Variants in NR3C1 observed in about 807,000 individuals in gnomAD.
The protein encoded by NR3C1 is glucocorticoid receptor.
NR3C1 carries 14 observed loss-of-function variants against 74.0 expected under a neutral mutation model. That is an observed-to-expected ratio of 0.19 (90% confidence interval 0.12 to 0.30). The LOEUF (loss-of-function observed/expected upper bound fraction) is 0.30. Ranked by LOEUF, NR3C1 falls within the 10% of genes least tolerant of loss-of-function variation. NR3C1 has a pLI of 1.00. For synonymous variants in NR3C1, 308 were observed against 332.5 expected, an observed-to-expected ratio of 0.93 and a Z score of 0.80; for missense variants, 695 against 909.8, an observed-to-expected ratio of 0.76 and a Z score of 3.04.
chr5:143,294,378 C>T (rs1816660214), intron 7 of NR3C1: 1 of 788,074 alleles, frequency 1.3e-6, no homozygotes, highest in Non-Finnish European at 1.5e-6. Flanking sequence ...TTTATAATAC[C>T]AACTAGTTCA....
At chr5:143,361,337 T>C (rs1046285400) in intron 2 of NR3C1, among the ~76,000 whole-genome samples, 2 of 152,220 alleles carry the variant, frequency 1.3e-5, no homozygotes, top group African/African-American at 4.8e-5. Context: ...TGCCAGAAGC[T>C]TTAACCAACA....
At chr5:143,361,610 A>T (rs1182487923) in intron 2 of NR3C1, among the ~76,000 whole-genome samples, 3 of 152,192 alleles carry the variant, frequency 2.0e-5, no homozygotes, top group African/African-American at 7.2e-5. Flanking sequence ...AATTGCTCAA[A>T]CACTGCCTTA....
chr5:143,373,350 T>C (rs529566944), intron 2 of NR3C1, among the ~76,000 whole-genome samples: 1 of 152,138 alleles, frequency 6.6e-6, no homozygotes, highest in East Asian at 1.9e-4. Flanking sequence ...GTATGTACTG[T>C]ATTCATTAAA....
At chr5:143,333,272 G>C in intron 2 of NR3C1, 1 of 953,914 alleles carries the variant, frequency 1.0e-6, no homozygotes, top group South Asian at 1.4e-5. Context: ...AACTGCCCTT[G>C]GGCTGACTTT....
intron 7 of NR3C1, among the ~76,000 whole-genome samples, chr5:143,284,353 G>T (rs1414877345): frequency 6.6e-6 from 1 of 152,104 alleles, no homozygotes; most frequent in East Asian, 1.9e-4. Context: ...TAATGAATAT[G>T]TATGAAAATG....
intron 2 of NR3C1, among the ~76,000 whole-genome samples, chr5:143,390,804 G>A (rs539628821): frequency 6.6e-6 from 1 of 152,086 alleles, no homozygotes; most frequent in Non-Finnish European, 1.5e-5. Flanking sequence ...GTTATCATTC[G>A]AGAGAGGATT....
At chr5:143,320,458 T>A (rs912649330) in intron 2 of NR3C1, among the ~76,000 whole-genome samples, 1 of 152,188 alleles carries the variant, frequency 6.6e-6, no homozygotes, top group African/African-American at 2.4e-5. Flanking sequence ...ATCAAGAGAA[T>A]GTTCAGTAAA....
At chr5:143,332,809 A>C in intron 2 of NR3C1, 1 of 1,502,418 alleles carries the variant, frequency 6.7e-7, no homozygotes, top group South Asian at 1.1e-5. Context: ...TTACGGGTGC[A>C]GAGAACCACT....
intron 2 of NR3C1, among the ~76,000 whole-genome samples, chr5:143,318,010 A>G (rs1257188226): frequency 7.2e-5 from 11 of 152,186 alleles, no homozygotes; most frequent in Admixed American, 2.0e-4. Flanking sequence ...GACAGTGGCT[A>G]GCTGACTTAA....
chr5:143,379,756 C>T (rs1835851701), intron 2 of NR3C1, among the ~76,000 whole-genome samples: 1 of 152,146 alleles, frequency 6.6e-6, no homozygotes, highest in Non-Finnish European at 1.5e-5. Flanking sequence ...AAGTTAAGGG[C>T]AGCCTACTTT....
chr5:143,282,500 A>G (rs560600948), intron 8 of NR3C1, 68 bp downstream of exon 8: 1 of 1,584,778 alleles, frequency 6.3e-7, no homozygotes, highest in Admixed American at 1.7e-5. Flanking sequence ...GTATATAATT[A>G]TATTCACTAA....
intron 4 of NR3C1, among the ~76,000 whole-genome samples, chr5:143,309,469 C>A (rs199958414): frequency 6.6e-6 from 1 of 152,080 alleles, no homozygotes; most frequent in Non-Finnish European, 1.5e-5. Flanking sequence ...ATATTTGGAG[C>A]GCTTTGAGGC....
Position 143,387,764 on chromosome 5 carries a change from A to G in NR3C1, c.1184+11892T>C, listed in dbSNP as rs565387664. Among the ~76,000 whole-genome samples the G allele has an allele frequency of 3.3e-5, 5 of 152,332 alleles. No homozygotes were observed. In the South Asian group the frequency reaches 1.0e-3, roughly 32 times the overall value. ...ATCCTACCAACCTCCTGACTGTTAT[A>G]TACTATAGACAGAATAAGTCAAATC... On this transcript the variant is annotated intron_variant, in intron 2 of 8. Transcript: ENST00000394464.
chr5:143,431,713 G>T (rs1047903820), intron 1 of NR3C1, among the ~76,000 whole-genome samples: 3 of 152,148 alleles, frequency 2.0e-5, no homozygotes, highest in African/African-American at 7.2e-5. Flanking sequence ...AGAGAGTGGG[G>T]GTTATAGGTA....
chr5:143,302,028 G>T (rs1818590149), intron 4 of NR3C1, among the ~76,000 whole-genome samples: 1 of 152,022 alleles, frequency 6.6e-6, no homozygotes, highest in Non-Finnish European at 1.5e-5. Context: ...TCTCTTGGAG[G>T]CACAGTATGA....
rs554783293 is a variant in NR3C1, at chr5:143,347,475, C to A, written c.1185-33307G>T. ...ACACTAGTAAAGAATTAAAGGCCCC[C>A]TTCCTCTGTAAATCCCACTTAAAGT... On this transcript the variant is annotated intron_variant, in intron 2 of 8. Transcript: ENST00000394464. Among the ~76,000 whole-genome samples the A allele has an allele frequency of 3.9e-4, 59 of 152,278 alleles. 1 individual carries two copies. The highest frequency in any genetic ancestry group is 2.1e-3 in the South Asian group (10 of 4,832).
rs556943762 is a variant in NR3C1 at position 143,279,543 on chromosome 5, T to C, written c.*2346A>G. On this transcript the variant is annotated 3_prime_UTR_variant, in exon 9 of 9. Coordinates refer to ENST00000394464, the MANE Select transcript of NR3C1 (RefSeq NM_000176.3). The stretch of plus-strand genomic sequence containing the variant: ...CCGGGTTACACACCATCTTAAAATA[T>C]TACATTCCCTTTTAGAGAGCATTCA... 2.7e-5 allele frequency: 21 copies of C among 781,880 alleles called. No homozygotes were observed. In the African/African-American group the frequency reaches 3.7e-4, roughly 14 times the overall value. 48.4% of individuals were successfully genotyped at this position (781,880 alleles called of 1,614,324 possible).
chr5:143,305,963 T>C (rs1041533497), intron 4 of NR3C1, among the ~76,000 whole-genome samples: 1 of 152,218 alleles, frequency 6.6e-6, no homozygotes, highest in Non-Finnish European at 1.5e-5. Flanking sequence ...TATTTGGTTA[T>C]AAATCTGACA....
At chr5:143,363,342 C>T (rs1464623995) in intron 2 of NR3C1, among the ~76,000 whole-genome samples, 3 of 152,104 alleles carry the variant, frequency 2.0e-5, no homozygotes, top group Admixed American at 6.5e-5. Flanking sequence ...AGTTGTTACA[C>T]TATAATATTC....
Sources: allele counts gnomAD v4.1 joint callset (sites outside exome capture counted in the v4.1 genomes callset), GRCh38; gene constraint gnomAD v4.1.1; transcripts MANE v1.5; gene names NCBI Gene and HGNC (gene_info 2026-07-23, HGNC 2026-07-21).